Variants in RIMS2 observed in about 807,000 individuals in gnomAD.
The protein encoded by RIMS2 is regulating synaptic membrane exocytosis protein 2.
Under a neutral mutation model 174.4 loss-of-function variants are expected in RIMS2, and 59 were observed. The observed-to-expected ratio is 0.34, with a 90% CI of 0.27 to 0.42. The LOEUF is 0.42. RIMS2 is among the 10% of genes least tolerant of loss of function. The pLI is 1.00. For synonymous variants in RIMS2, 606 were observed against 572.5 expected, an observed-to-expected ratio of 1.06 and a Z score of -0.84; for missense variants, 1,620 against 1,666.3, an observed-to-expected ratio of 0.97 and a Z score of 0.48.
intron 23 of RIMS2, 61 bp downstream of exon 29, chr8:104,251,224 T>C (rs2099358099): frequency 7.5e-7 from 1 of 1,339,356 alleles, no homozygotes; most frequent in Non-Finnish European, 1.0e-6. Context: ...TCAGACATTA[T>C]ACCCCAAATC....
intron 4 of RIMS2, among the ~76,000 whole-genome samples, chr8:103,889,649 C>A (rs1330895468): frequency 2.0e-5 from 3 of 150,490 alleles, no homozygotes; most frequent in African/African-American, 7.3e-5. Flanking sequence ...ATTTTTTTTT[C>A]TCTGCTGTCC....
At chr8:104,079,598 G>GATATATATATATATAT (rs5893676) in intron 19 of RIMS2, among the ~76,000 whole-genome samples, 4 of 51,004 alleles carry the variant, frequency 7.8e-5, no homozygotes, top group African/African-American at 1.4e-4. Context: ...GATTAAGCAT[G>GATATATATATATATAT]ATATATATAT....
intron 3 of RIMS2, among the ~76,000 whole-genome samples, chr8:103,850,898 C>T (rs1205485770): frequency 1.3e-5 from 2 of 151,944 alleles, no homozygotes; most frequent in Non-Finnish European, 2.9e-5. Flanking sequence ...GTATAAGGTG[C>T]ATTAGATATG....
At chr8:103,552,640 A>T (rs1412528573) in intron 1 of RIMS2, among the ~76,000 whole-genome samples, 1 of 151,186 alleles carries the variant, frequency 6.6e-6, no homozygotes, top group Non-Finnish European at 1.5e-5. Flanking sequence ...AGCAAAAGAC[A>T]CTACAGAGTG....
At chr8:103,759,263 A>G (rs1209160276) in intron 2 of RIMS2, among the ~76,000 whole-genome samples, 1 of 152,186 alleles carries the variant, frequency 6.6e-6, no homozygotes, top group Non-Finnish European at 1.5e-5. Flanking sequence ...GCAGCGGATC[A>G]TGATTAAGAA....
chr8:104,034,199 A>C (rs916149432), intron 19 of RIMS2, among the ~76,000 whole-genome samples: 7 of 152,180 alleles, frequency 4.6e-5, no homozygotes, highest in Non-Finnish European at 1.0e-4. Flanking sequence ...ATGCTAGAAC[A>C]ATTTATAATA....
intron 15 of RIMS2, among the ~76,000 whole-genome samples, chr8:103,973,331 T>C (rs1565614024): frequency 6.6e-6 from 1 of 152,076 alleles, no homozygotes; most frequent in Non-Finnish European, 1.5e-5. Flanking sequence ...ACATAATATA[T>C]GTGTTCCTGA....
intron 19 of RIMS2, among the ~76,000 whole-genome samples, chr8:104,153,086 G>A (rs1320745501): frequency 6.6e-6 from 1 of 152,094 alleles, no homozygotes; most frequent in African/African-American, 2.4e-5. Flanking sequence ...ATTGGCAAAG[G>A]AGAAACCTTT....
chr8:103,507,829 G>A (rs1187826754), intron 1 of RIMS2, among the ~76,000 whole-genome samples: 1 of 152,044 alleles, frequency 6.6e-6, no homozygotes, highest in Non-Finnish European at 1.5e-5. Context: ...ATTGTGTTTA[G>A]CACAGATGAG....
chr8:103,647,352 T>C (rs2096358663), intron 1 of RIMS2, among the ~76,000 whole-genome samples: 2 of 150,730 alleles, frequency 1.3e-5, no homozygotes, highest in Non-Finnish European at 2.9e-5. Context: ...TATTTTTGCA[T>C]TGATGTTCAT....
intron 4 of RIMS2, among the ~76,000 whole-genome samples, chr8:103,899,991 T>G (rs1008561850): frequency 6.6e-6 from 1 of 151,696 alleles, no homozygotes. Flanking sequence ...TTTCCACATT[T>G]CTTGTTTTTG....
intron 13 of RIMS2, among the ~76,000 whole-genome samples, chr8:103,939,264 G>A (rs776858762): frequency 2.0e-5 from 3 of 152,216 alleles, no homozygotes; most frequent in Non-Finnish European, 2.9e-5. Context: ...TGAAATCTAG[G>A]CAGAGGTTCC....
At chr8:104,056,319 G>A (rs185855726) in intron 19 of RIMS2, among the ~76,000 whole-genome samples, 15 of 151,360 alleles carry the variant, frequency 9.9e-5, no homozygotes, top group East Asian at 5.9e-4. Context: ...CAGGAGAATC[G>A]CTTGAACCCA....
chr8:104,151,674 C>G (rs2098690550), intron 19 of RIMS2, among the ~76,000 whole-genome samples: 1 of 151,936 alleles, frequency 6.6e-6, no homozygotes, highest in Non-Finnish European at 1.5e-5. Context: ...TGAAAATTTC[C>G]AAGTGGAAAT....
intron 1 of RIMS2, among the ~76,000 whole-genome samples, chr8:103,644,121 G>C (rs1393967020): frequency 3.3e-5 from 5 of 151,632 alleles, no homozygotes; most frequent in Non-Finnish European, 4.4e-5. Context: ...ATGCAAGTGT[G>C]TTGGCACCCG....
chr8:104,092,662 A>G (rs1378001216), intron 19 of RIMS2, among the ~76,000 whole-genome samples: 1 of 151,928 alleles, frequency 6.6e-6, no homozygotes, highest in African/African-American at 2.4e-5. Flanking sequence ...TCAACTAGTG[A>G]GAGTTTTTCT....
At chr8:103,931,592 T>C (rs2079960689) in intron 12 of RIMS2, among the ~76,000 whole-genome samples, 199 bp downstream of exon 14, 2 of 152,106 alleles carry the variant, frequency 1.3e-5, no homozygotes, top group Admixed American at 6.5e-5. Context: ...ATATGTGATT[T>C]TGAATATTAA....
At chr8:103,782,715 C>T (rs1003320449) in intron 3 of RIMS2, among the ~76,000 whole-genome samples, 1 of 151,970 alleles carries the variant, frequency 6.6e-6, no homozygotes. Flanking sequence ...CATTATAGTT[C>T]TAATTTTTCT....
chr8:104,220,046 A>T (rs6981487), intron 19 of RIMS2, among the ~76,000 whole-genome samples: 13,381 of 152,154 alleles, frequency 0.088, 723 homozygotes, highest in African/African-American at 0.14. Flanking sequence ...AATTTTTTTT[A>T]AAGTAGAATT....
Sources: allele counts gnomAD v4.1 joint callset (sites outside exome capture counted in the v4.1 genomes callset), GRCh38; gene constraint gnomAD v4.1.1; transcripts MANE v1.5; gene names NCBI Gene and HGNC (gene_info 2026-07-23, HGNC 2026-07-21).